Variants in ZFAND3 observed in about 807,000 individuals in gnomAD.
ZFAND3 encodes AN1-type zinc finger protein 3.
ZFAND3 carries 10 observed loss-of-function variants against 29.6 expected under a neutral mutation model. The observed-to-expected ratio is 0.34, with a 90% CI of 0.21 to 0.57. ZFAND3 has a LOEUF of 0.57. Ranked by LOEUF, ZFAND3 falls within the 20% of genes least tolerant of loss-of-function variation. The pLI is 0.86. For missense variants in ZFAND3, 230 were observed against 304.5 expected (o/e 0.76, Z 1.82); for synonymous variants, 128 against 112.6 (o/e 1.14, Z -0.87).
At chr6:38,144,277 G>A (rs1043831454) in intron 5 of ZFAND3, among the ~76,000 whole-genome samples, 4 of 144,236 alleles carry the variant, frequency 2.8e-5, no homozygotes, top group South Asian at 2.2e-4. Context: ...AAGATGGGTC[G>A]GGGATATTTG....
chr6:38,063,527 T>G (rs572221102), intron 3 of ZFAND3, among the ~76,000 whole-genome samples: 1 of 152,100 alleles, frequency 6.6e-6, no homozygotes, highest in Non-Finnish European at 1.5e-5. Flanking sequence ...TTGGTCCTTA[T>G]GTATTAAAGA....
At chr6:37,856,246 C>A (rs1325401573) in intron 1 of ZFAND3, among the ~76,000 whole-genome samples, 1 of 152,032 alleles carries the variant, frequency 6.6e-6, no homozygotes, top group Non-Finnish European at 1.5e-5. Context: ...CTGCCCCACT[C>A]GGCCTCCCAG....
chr6:37,883,860 T>C (rs1764941162), intron 1 of ZFAND3, among the ~76,000 whole-genome samples: 2 of 145,382 alleles, frequency 1.4e-5, no homozygotes, highest in South Asian at 4.3e-4. Flanking sequence ...CTTTTCATTA[T>C]CTATTTCCCT....
chr6:38,074,535 C>T (rs1363525038), intron 3 of ZFAND3, among the ~76,000 whole-genome samples: 2 of 152,108 alleles, frequency 1.3e-5, no homozygotes, highest in East Asian at 3.9e-4. Flanking sequence ...AGAAGAAAAG[C>T]TTGGAGTTAG....
chr6:37,822,722 C>T (rs1763689388), intron 1 of ZFAND3, among the ~76,000 whole-genome samples: 1 of 152,110 alleles, frequency 6.6e-6, no homozygotes, highest in Non-Finnish European at 1.5e-5. Flanking sequence ...TTAGCCTAGA[C>T]CCACAGGAAG....
chr6:38,020,923 G>C (rs1177302562), intron 2 of ZFAND3, among the ~76,000 whole-genome samples: 1 of 151,954 alleles, frequency 6.6e-6, no homozygotes, highest in Non-Finnish European at 1.5e-5. Context: ...GTCTATAAAG[G>C]AGTTACATAG....
chr6:38,042,554 T>C lies in ZFAND3; in HGVS notation c.113-19039T>C, dbSNP rs558943566. On this transcript the variant is annotated intron_variant, in intron 2 of 5. Transcript: ENST00000287218. ...GTCTTGAACTCCTGAGCTCAAGTGA[T>C]CCACCTGCCTCAGCCTCCCAAAGTG... Among the ~76,000 whole-genome samples the C allele has an allele frequency of 2.0e-5, 3 of 152,268 alleles. No individual in the cohort carries two copies. In the South Asian group the frequency reaches 6.2e-4, roughly 32 times the overall value.
At chr6:38,002,363 T>C (rs1182773237) in intron 2 of ZFAND3, among the ~76,000 whole-genome samples, 2 of 151,962 alleles carry the variant, frequency 1.3e-5, no homozygotes, top group Admixed American at 6.6e-5. Flanking sequence ...GCATACAGTT[T>C]TGGGAAAATA....
chr6:38,048,082 GCAGCCT>G (rs1473115777), intron 2 of ZFAND3, among the ~76,000 whole-genome samples: 1 of 150,740 alleles, frequency 6.6e-6, no homozygotes, highest in African/African-American at 2.4e-5. Context: ...ATGGCTCATT[GCAGCCT>G]CACCCTCCCT....
chr6:38,120,300 G>A (rs1273848947), intron 5 of ZFAND3, among the ~76,000 whole-genome samples: 1 of 119,880 alleles, frequency 8.3e-6, no homozygotes, highest in African/African-American at 3.1e-5. Flanking sequence ...GATCTTGATT[G>A]ATACACGTAG....
At chr6:38,119,990 C>G (rs1376872570) in intron 5 of ZFAND3, among the ~76,000 whole-genome samples, 1 of 152,114 alleles carries the variant, frequency 6.6e-6, no homozygotes, top group African/African-American at 2.4e-5. Flanking sequence ...CAAAGTAACA[C>G]CCTTTTCCTG....
intron 5 of ZFAND3, among the ~76,000 whole-genome samples, chr6:38,125,451 C>T (rs2127488889): frequency 6.6e-6 from 1 of 152,264 alleles, no homozygotes; most frequent in East Asian, 1.9e-4. Context: ...GCTCCCTCTC[C>T]CTAAGCAAAG....
intron 5 of ZFAND3, among the ~76,000 whole-genome samples, chr6:38,132,766 G>A (rs1765766629): frequency 6.6e-6 from 1 of 152,144 alleles, no homozygotes; most frequent in African/African-American, 2.4e-5. Context: ...CATGGAGGAT[G>A]TATGGCATCT....
chr6:38,030,740 G>A (rs1388276926), intron 2 of ZFAND3, among the ~76,000 whole-genome samples: 1 of 152,068 alleles, frequency 6.6e-6, no homozygotes, highest in South Asian at 2.1e-4. Context: ...AACCAAGGGA[G>A]TCTATGACCT....
chr6:37,991,910 C>G (rs751770845), intron 2 of ZFAND3, among the ~76,000 whole-genome samples: 2 of 152,070 alleles, frequency 1.3e-5, no homozygotes, highest in Non-Finnish European at 2.9e-5. Flanking sequence ...TGTATTTGTT[C>G]AGGATTCTTT....
At chr6:38,091,466 C>G (rs576188691) in intron 4 of ZFAND3, among the ~76,000 whole-genome samples, 1 of 133,028 alleles carries the variant, frequency 7.5e-6, no homozygotes, top group African/African-American at 2.8e-5. Context: ...TCCTTTGAAA[C>G]TTTAGGATTT....
At chr6:37,899,253 A>T (rs1028117344) in intron 1 of ZFAND3, among the ~76,000 whole-genome samples, 4 of 152,120 alleles carry the variant, frequency 2.6e-5, no homozygotes, top group Non-Finnish European at 5.9e-5. Flanking sequence ...TGGCACCACT[A>T]ATCTTTTTGA....
At chr6:37,826,496 G>A (rs1193337757) in intron 1 of ZFAND3, among the ~76,000 whole-genome samples, 3 of 152,178 alleles carry the variant, frequency 2.0e-5, no homozygotes, top group Non-Finnish European at 4.4e-5. Flanking sequence ...GCTGGCGGCT[G>A]TAAACCCAGC....
intron 2 of ZFAND3, among the ~76,000 whole-genome samples, chr6:38,042,053 G>A (rs912996659): frequency 6.6e-6 from 1 of 150,556 alleles, no homozygotes; most frequent in Non-Finnish European, 1.5e-5. Flanking sequence ...GACCAGTCTG[G>A]TCTTGAACTC....
Sources: allele counts gnomAD v4.1 joint callset (sites outside exome capture counted in the v4.1 genomes callset), GRCh38; gene constraint gnomAD v4.1.1; transcripts MANE v1.5; gene names NCBI Gene and HGNC (gene_info 2026-07-23, HGNC 2026-07-21).